EVC2: variants seen among roughly 807,000 people sequenced by gnomAD.
The protein encoded by EVC2 is EvC ciliary complex subunit 2.
In EVC2, 148 loss-of-function variants were observed where a neutral mutation model predicts 149.3. That is an observed-to-expected ratio of 0.99 (90% confidence interval 0.87 to 1.14). EVC2 has a LOEUF of 1.14. Ranked by LOEUF, EVC2 falls within the 50% of genes most tolerant of loss-of-function variation. The pLI, the probability that EVC2 is intolerant of heterozygous loss-of-function variation, is 0.00. For synonymous variants in EVC2, 776 were observed against 649.9 expected (o/e 1.19, Z -2.95); for missense variants, 1,854 against 1,627.3 (o/e 1.14, Z -2.40).
chr4:5,625,866 C>T lies in EVC2; in HGVS notation c.1929G>A (p.Glu643=). 1 of 1,614,102 alleles carries T rather than the reference C, an allele frequency of 6.2e-7. No homozygotes were observed. Among genetic ancestry groups the T allele is most frequent in the South Asian group, 1.1e-5 (1 of 91,088 alleles). Residue 643 remains glutamate, a synonymous_variant, in exon 13 of 22, where the codon GAG becomes GAA. Coordinates refer to ENST00000344408, the MANE Select transcript of EVC2 (RefSeq NM_147127.5). The surrounding 1 kb of genome is among the most constrained non-coding windows in gnomAD (Gnocchi z 4.0). ...LDEDQMEMLL[E]RAQTEVFSIK... is the part of the protein sequence containing the mutation. ...TTGAAAAGACTTCTGTCTGAGCCCG[C>T]TCCAATAGCATTTCCATTTGGTCTT...
chr4:5,610,418 A>G (rs1714722546), intron 16 of EVC2, among the ~76,000 whole-genome samples: 2 of 152,210 alleles, frequency 1.3e-5, no homozygotes, highest in South Asian at 4.1e-4. Flanking sequence ...GCATAAGACA[A>G]AAACGAAATC....
intron 12 of EVC2, among the ~76,000 whole-genome samples, chr4:5,626,254 G>A (rs73198166): frequency 0.035 from 5,275 of 151,906 alleles, 233 homozygotes; most frequent in African/African-American, 0.11. Flanking sequence ...AAGTCAAAGA[G>A]GCAAAGGCAG....
At chr4:5,580,099 A>G (rs62297510) in intron 17 of EVC2, among the ~76,000 whole-genome samples, 3,305 of 152,336 alleles carry the variant, frequency 0.022, 63 homozygotes, top group Non-Finnish European at 0.032. Context: ...TAGTTTTCTT[A>G]GGAGTAATTT....
downstream of EVC2, among the ~76,000 whole-genome samples, chr4:5,560,083 C>T (rs1333447280): frequency 6.6e-6 from 1 of 151,548 alleles, no homozygotes; most frequent in Admixed American, 6.6e-5. This position sits in a 1 kb window ranked among gnomAD's most constrained non-coding sequence, Gnocchi z 4.1. Context: ...TTGTGTTAGT[C>T]AACGCAACTA....
At position 5,622,691 on chromosome 4, in the gene EVC2, C is replaced by T. The variant is rs1715789041; in HGVS notation, c.2347G>A (p.Glu783Lys). The T allele has an allele frequency of 6.2e-7, 1 of 1,614,042 alleles. No homozygotes were observed. The highest frequency in any genetic ancestry group is 8.5e-7 in the Non-Finnish European group (1 of 1,180,036). ...AGCTGCTCGGCCCGTGCAGCCATCT[C>T]CTTGCCGTGCTCCTCCAGGATCTGC... is the stretch of plus-strand genomic sequence containing the variant. ...LQQILEEHGK[E>K]MAARAEQLEG... Residue 783 changes from glutamate (E) to lysine (K), a missense_variant, in exon 14 of 22, where the codon GAG (glutamate) becomes AAG (lysine). Coordinates refer to ENST00000344408, the MANE Select transcript of EVC2 (RefSeq NM_147127.5). This position sits in a 1 kb window ranked among gnomAD's most constrained non-coding sequence, Gnocchi z 5.8.
chr4:5,656,754 G>A (rs986897589), intron 9 of EVC2, among the ~76,000 whole-genome samples: 2 of 152,232 alleles, frequency 1.3e-5, no homozygotes, highest in African/African-American at 4.8e-5. Flanking sequence ...TCAGCCCAGA[G>A]AAAGTGATTT....
chr4:5,544,862 C>A (rs186835407), intron 21 of EVC2, among the ~76,000 whole-genome samples: 239 of 152,248 alleles, frequency 1.6e-3, no homozygotes, highest in African/African-American at 5.3e-3. Context: ...CCCTGCAGCC[C>A]CCAGCACCAG....
intron 10 of EVC2, among the ~76,000 whole-genome samples, chr4:5,638,095 T>TA (rs199861159): frequency 0.014 from 2,043 of 150,930 alleles, 21 homozygotes; most frequent in Non-Finnish European, 0.021. Context: ...CGTTTAAAGG[T>TA]AAAAAAAAAT....
At position 5,704,559 on chromosome 4, in the gene EVC2, T is replaced by C. The variant is rs150956569; in HGVS notation, c.228+3727A>G. Among the ~76,000 whole-genome samples, 10 of 152,078 alleles carry C rather than the reference T, an allele frequency of 6.6e-5. No individual in the cohort carries two copies. In the East Asian group the frequency reaches 1.7e-3, roughly 27 times the overall value. On this transcript the variant is annotated intron_variant, in intron 1 of 21. Coordinates refer to ENST00000344408, the MANE Select transcript of EVC2 (RefSeq NM_147127.5). ...TGGAAATTCGGGAGCTGCCAGGGGA[T>C]AGATCACCAAGGGTGTGAGTACTGA...
chr4:5,579,840 A>C (rs1400801448), intron 17 of EVC2, among the ~76,000 whole-genome samples: 1 of 152,186 alleles, frequency 6.6e-6, no homozygotes, highest in African/African-American at 2.4e-5. Flanking sequence ...GTCTCAAAAC[A>C]ATAAACAAAG....
chr4:5,592,855 A>T (rs1712943715), intron 16 of EVC2, among the ~76,000 whole-genome samples: 1 of 152,190 alleles, frequency 6.6e-6, no homozygotes, highest in Non-Finnish European at 1.5e-5. Flanking sequence ...ACACGGGAGA[A>T]GGGATGTGAT....
Position 5,598,880 on chromosome 4 carries a change from A to C in EVC2, c.2830-14030T>G, listed in dbSNP as rs546197730. Among the ~76,000 whole-genome samples the C allele has an allele frequency of 2.5e-3, 386 of 152,354 alleles. 1 individual carries two copies. Among genetic ancestry groups the C allele is most frequent in the African/African-American group, 8.8e-3 (366 of 41,584 alleles). Reference sequence around the variant, plus strand: ...ACTCAAACAAATTTACAAGAAAAAAAACAAACAACCCCATCAAAAAGTGGG... The same window carrying C: ...ACTCAAACAAATTTACAAGAAAAAACACAAACAACCCCATCAAAAAGTGGG... On this transcript the variant is annotated intron_variant, in intron 16 of 21. Transcript: ENST00000344408.
the EVC2 span, among the ~76,000 whole-genome samples, chr4:5,530,323 G>C: frequency 6.6e-6 from 1 of 152,140 alleles, no homozygotes; most frequent in East Asian, 1.9e-4. Flanking sequence ...AGGGGCCATG[G>C]GGCCTAAGGA....
chr4:5,556,310 T>C (rs898975928), intron 21 of EVC2, among the ~76,000 whole-genome samples: 4 of 151,074 alleles, frequency 2.6e-5, no homozygotes, highest in African/African-American at 9.8e-5. Context: ...TAGCGTAATA[T>C]ATTCAGATTA....
At chr4:5,691,613 G>C (rs1227556297) in intron 3 of EVC2, among the ~76,000 whole-genome samples, 2 of 152,174 alleles carry the variant, frequency 1.3e-5, no homozygotes, top group African/African-American at 4.8e-5. Context: ...AACCAAGACT[G>C]ACATACCAGC....
At chr4:5,632,571 T>C (rs1716626427) in intron 10 of EVC2, among the ~76,000 whole-genome samples, 1 of 152,222 alleles carries the variant, frequency 6.6e-6, no homozygotes, top group Admixed American at 6.5e-5. Context: ...GGTCATGCTG[T>C]CAGGCTCACA....
At chr4:5,688,755 C>T (rs150600204) in intron 5 of EVC2, among the ~76,000 whole-genome samples, 37 of 152,242 alleles carry the variant, frequency 2.4e-4, no homozygotes, top group African/African-American at 3.6e-4. Flanking sequence ...CCACTCTGTC[C>T]GGCACAACCC....
chr4:5,674,330 A>T (rs1719856245), intron 7 of EVC2, among the ~76,000 whole-genome samples: 1 of 152,178 alleles, frequency 6.6e-6, no homozygotes, highest in Admixed American at 6.5e-5. Context: ...CATGATTCTG[A>T]CTGCAATGAT....
chr4:5,655,717 C>T (rs1182320729), intron 9 of EVC2, among the ~76,000 whole-genome samples: 10 of 127,818 alleles, frequency 7.8e-5, no homozygotes, highest in Admixed American at 4.5e-4. Flanking sequence ...GGACCAAATA[C>T]TTAATCCACA....
Sources: allele counts gnomAD v4.1 joint callset (sites outside exome capture counted in the v4.1 genomes callset), GRCh38; gene constraint gnomAD v4.1.1; non-coding constraint Gnocchi (gnomAD v3.1); transcripts MANE v1.5; gene names NCBI Gene and HGNC (gene_info 2026-07-23, HGNC 2026-07-21).